The following CELF2 variants were observed in gnomAD, a reference collection of about 807,000 sequenced individuals.
CELF2 encodes CUG triplet repeat RNA-binding protein 2.
In CELF2, 8 loss-of-function variants were observed where a neutral mutation model predicts 62.6. That is an observed-to-expected ratio of 0.13 (90% CI 0.07 to 0.23). CELF2 has a LOEUF of 0.23. Among genes scored for constraint, CELF2 ranks in the 10% least tolerant of loss-of-function variants. The pLI, the probability that CELF2 is intolerant of heterozygous loss-of-function variation, is 1.00. For missense variants in CELF2, 333 were observed against 671.0 expected, an observed-to-expected ratio of 0.50 and a Z score of 5.56; for synonymous variants, 258 against 250.0, an observed-to-expected ratio of 1.03 and a Z score of -0.30.
At chr10:10,502,232 T>A in the CELF2 span, among the ~76,000 whole-genome samples, 1 of 151,978 alleles carries the variant, frequency 6.6e-6, no homozygotes, top group Non-Finnish European at 1.5e-5. Context: ...TCTGTCAATA[T>A]GTTTGTTTGG....
At chr10:10,908,551 A>G (rs539077796) in intron 1 of CELF2, among the ~76,000 whole-genome samples, 2 of 152,160 alleles carry the variant, frequency 1.3e-5, no homozygotes, top group South Asian at 4.2e-4. Context: ...AAATAAATAC[A>G]CTGTTGGAGA....
chr10:10,656,782 T>G, the CELF2 span, among the ~76,000 whole-genome samples: 2 of 138,600 alleles, frequency 1.4e-5, no homozygotes, highest in East Asian at 2.1e-4. Flanking sequence ...GATGACGAGT[T>G]AGTGGGTGCA....
At chr10:11,213,588 GTAATC>G (rs1478516516) in intron 2 of CELF2, among the ~76,000 whole-genome samples, 21 of 152,186 alleles carry the variant, frequency 1.4e-4, no homozygotes, top group Non-Finnish European at 2.9e-5. Context: ...CTGCAGGTGG[GTAATC>G]TAATATTTTA....
At chr10:11,164,991 A>C in intron 1 of CELF2, 1 of 866,346 alleles carries the variant, frequency 1.2e-6, no homozygotes, top group Non-Finnish European at 1.4e-6. Context: ...ATGTGACTTT[A>C]TTATTACCAC....
the CELF2 span, among the ~76,000 whole-genome samples, chr10:10,584,452 G>A: frequency 6.6e-6 from 1 of 152,206 alleles, no homozygotes; most frequent in Non-Finnish European, 1.5e-5. Flanking sequence ...GTGGCCGCTG[G>A]CATTGGCCAA....
intron 1 of CELF2, among the ~76,000 whole-genome samples, chr10:10,908,713 T>C (rs1024869302): frequency 1.3e-5 from 2 of 152,226 alleles, no homozygotes; most frequent in Middle Eastern, 3.2e-3. Flanking sequence ...ATTTCTTTGC[T>C]ATTTCCATAA....
chr10:11,208,458 G>A (rs376342813), intron 2 of CELF2, among the ~76,000 whole-genome samples: 2 of 152,174 alleles, frequency 1.3e-5, no homozygotes, highest in South Asian at 2.1e-4. Context: ...ATGTAGTAAT[G>A]TGATTGGACA....
chr10:10,481,122 G>A, the CELF2 span, among the ~76,000 whole-genome samples: 1 of 152,258 alleles, frequency 6.6e-6, no homozygotes, highest in East Asian at 1.9e-4. Context: ...CAAGAGGAAT[G>A]TTCTTCCCCG....
chr10:11,094,441 C>T (rs2049197726), intron 1 of CELF2, among the ~76,000 whole-genome samples: 1 of 152,132 alleles, frequency 6.6e-6, no homozygotes, highest in Admixed American at 6.5e-5. Context: ...TCTTCTTCCT[C>T]ATTCTTATTA....
At chr10:10,680,184 T>C in the CELF2 span, among the ~76,000 whole-genome samples, 20 of 151,972 alleles carry the variant, frequency 1.3e-4, no homozygotes, top group East Asian at 2.7e-3. Context: ...TATGTGCGTA[T>C]GTGTATAAAC....
chr10:11,226,201 C>T (rs2066481188), intron 3 of CELF2, among the ~76,000 whole-genome samples: 6 of 152,248 alleles, frequency 3.9e-5, no homozygotes, highest in Admixed American at 3.9e-4. Context: ...CTCCACAGGA[C>T]ATCTGTTGTA....
chr10:11,119,228 G>A (rs1473900012), intron 1 of CELF2, among the ~76,000 whole-genome samples: 1 of 152,160 alleles, frequency 6.6e-6, no homozygotes, highest in Non-Finnish European at 1.5e-5. Flanking sequence ...GCATAAACTT[G>A]AGCATATTTA....
intron 1 of CELF2, among the ~76,000 whole-genome samples, chr10:10,801,526 G>A (rs1027749522): frequency 5.9e-5 from 9 of 152,266 alleles, no homozygotes; most frequent in Admixed American, 1.3e-4. Context: ...CACATAGCAC[G>A]GTTGTTAGCA....
chr10:10,511,096 T>C, the CELF2 span, among the ~76,000 whole-genome samples: 1 of 152,210 alleles, frequency 6.6e-6, no homozygotes, highest in Admixed American at 6.5e-5. Context: ...GAGAGTTATA[T>C]GATCTCTTTT....
chr10:11,269,932 G>A lies in CELF2; in HGVS notation c.619-734G>A, dbSNP rs758731015. Among the ~76,000 whole-genome samples the A allele has an allele frequency of 2.0e-5, 3 of 152,208 alleles. No individual in the cohort carries two copies. The highest frequency in any genetic ancestry group is 2.9e-5 in the Non-Finnish European group (2 of 68,032). ...AGAAGCCAAGTGGACTCCTCCGTCT[G>A]CTGTTCACGGTCTATCTTCTTTGGC... is the stretch of plus-strand genomic sequence containing the variant. On this transcript the variant is annotated intron_variant, in intron 6 of 12. Coordinates refer to ENST00000633077, the MANE Select transcript of CELF2 (RefSeq NM_001326342.2). This position sits in a 1 kb window ranked among gnomAD's most constrained non-coding sequence, Gnocchi z 4.4.
At chr10:10,557,708 C>A in the CELF2 span, among the ~76,000 whole-genome samples, 725 of 148,764 alleles carry the variant, frequency 4.9e-3, 1 homozygote, top group Non-Finnish European at 7.0e-3. Flanking sequence ...CTTTTATTTC[C>A]TTGAGCAGTG....
the CELF2 span, among the ~76,000 whole-genome samples, chr10:10,548,452 T>C: frequency 6.6e-6 from 1 of 152,236 alleles, no homozygotes; most frequent in Non-Finnish European, 1.5e-5. Flanking sequence ...GTTTAGTTTT[T>C]ATTTTAATTA....
At chr10:10,654,934 T>A in the CELF2 span, among the ~76,000 whole-genome samples, 1 of 145,512 alleles carries the variant, frequency 6.9e-6, no homozygotes, top group African/African-American at 2.6e-5. Flanking sequence ...AAATTGTCCC[T>A]GTTTGCAGAC....
intron 1 of CELF2, among the ~76,000 whole-genome samples, chr10:11,125,882 TTG>T (rs1335678013): frequency 1.4e-5 from 2 of 138,834 alleles, no homozygotes; most frequent in Admixed American, 1.6e-4. Flanking sequence ...ACTCTAAATT[TTG>T]TGTTATTAAA....
Sources: allele counts gnomAD v4.1 joint callset (sites outside exome capture counted in the v4.1 genomes callset), GRCh38; gene constraint gnomAD v4.1.1; non-coding constraint Gnocchi (gnomAD v3.1); transcripts MANE v1.5; gene names NCBI Gene and HGNC (gene_info 2026-07-23, HGNC 2026-07-21).